The following SLC2A3 variants were observed in gnomAD, a reference collection of about 807,000 sequenced individuals.
The protein encoded by SLC2A3 is solute carrier family 2 member 3, also known as solute carrier family 2, facilitated glucose transporter member 3.
SLC2A3 carries 21 observed loss-of-function variants against 46.4 expected under a neutral mutation model. The ratio of observed to expected loss-of-function variants is 0.45; its 90% confidence interval spans 0.32 to 0.65. The LOEUF (loss-of-function observed/expected upper bound fraction) is 0.65. Among genes scored for constraint, SLC2A3 ranks in the 30% least tolerant of loss-of-function variants. The probability of loss-of-function intolerance (pLI) is 0.04; values close to 1 mark genes in which losing one functional copy is unlikely to be tolerated. For missense variants in SLC2A3, 499 were observed against 623.3 expected (o/e 0.80, Z 2.12); for synonymous variants, 213 against 239.4 (o/e 0.89, Z 1.02).
rs1946175263 is a variant in SLC2A3 at position 7,933,103 on chromosome 12, A to G, written c.153T>C (p.Asn51=). The G allele has an allele frequency of 7.4e-6, 12 of 1,614,110 alleles. No homozygotes were observed. The East Asian group carries it at 1.8e-4, about 24-fold the overall frequency. ...FINKTLTDKG[N]APPSEVLLTS... ...TGAGCAGCACCTCAGAGGGTGGGGC[A>G]TTTCCCTTGTCCGTCAAAGTTTTAT... The change falls in exon 3 of 10, where the codon AAT becomes AAC. Residue 51 remains asparagine, a synonymous_variant. Transcript: ENST00000075120.
At chr12:7,932,751 C>G in intron 3 of SLC2A3, 2 of 513,560 alleles carry the variant, frequency 3.9e-6, no homozygotes, top group South Asian at 6.6e-5. Flanking sequence ...CCTAGCTGGA[C>G]TGCAAAGGCC....
At position 7,933,303 on chromosome 12, in the gene SLC2A3, G is replaced by C. The variant is rs143811589; in HGVS notation, c.109-156C>G. The C allele has an allele frequency of 3.8e-4, 323 of 847,826 alleles. 1 individual carries two copies. The African/African-American group carries it at 4.3e-3, about 11-fold the overall frequency. The allele number at this position is 847,826 out of a possible 1,614,324, so 52.5% of individuals were successfully genotyped here. ...CGTATTGGAATTTATGTTAACTCTC[G>C]CTGGAATAGTAATTCTATTTGTCCT... On this transcript the variant is annotated intron_variant, in intron 2 of 9. Coordinates refer to ENST00000075120, the MANE Select transcript of SLC2A3 (RefSeq NM_006931.3).
At chr12:7,929,344 A>ATC (rs1946128100) in intron 6 of SLC2A3, among the ~76,000 whole-genome samples, 1 of 152,106 alleles carries the variant, frequency 6.6e-6, no homozygotes, top group Non-Finnish European at 1.5e-5. Flanking sequence ...CGCCCTCTTT[A>ATC]AACTATCATC....
chr12:7,931,261 C>G lies in SLC2A3; in HGVS notation c.494G>C (p.Gly165Ala), dbSNP rs1470834675. Residue 165 changes from glycine (G) to alanine (A), a missense_variant, in exon 4 of 10, where the codon GGA becomes GCA. By Grantham distance (60) the Gly-to-Ala change is moderately conservative. This residue lies in a region of SLC2A3 where 248 missense variants were observed against 284.0 expected (regional missense o/e 0.87). Transcript: ENST00000075120. ...GTLNQLGIVVGILVAQIFGLE... is the reference protein window; with the variant it reads ...GTLNQLGIVVAILVAQIFGLE... ...CTAGAGTACCTGGGCCACCAGAATT[C>G]CAACAACGATGCCCAGCTGGTTGAG... is the stretch of plus-strand genomic sequence containing the variant. 1.2e-6 allele frequency: 2 copies of G among 1,614,046 alleles called. No individual in the cohort carries two copies. The highest frequency in any genetic ancestry group is 8.5e-7 in the Non-Finnish European group (1 of 1,180,028).
intron 2 of SLC2A3, 84 bp from the exon 3 acceptor site, chr12:7,933,231 C>A: frequency 6.9e-7 from 1 of 1,440,042 alleles, no homozygotes. Flanking sequence ...CATTTCCTTC[C>A]TAGAGAATCA....
rs960233635 is a variant in SLC2A3 at position 7,926,001 on chromosome 12, C to T, written c.862-53G>A. ...GATGCAATTCTGCACACCAGTTACACAGAACCCTCAAAAATAAACTTAAAA... is the reference window on the plus strand; with the variant it reads ...GATGCAATTCTGCACACCAGTTACATAGAACCCTCAAAAATAAACTTAAAA... On this transcript the variant is annotated intron_variant, in intron 6 of 9. Coordinates refer to ENST00000075120, the MANE Select transcript of SLC2A3 (RefSeq NM_006931.3). 6 of 1,452,730 alleles carry T rather than the reference C, an allele frequency of 4.1e-6. No individual in the cohort carries two copies. In the Admixed American group the frequency reaches 7.1e-5, roughly 17 times the overall value. The allele number at this position is 1,452,730 out of a possible 1,614,324, so 90.0% of individuals were successfully genotyped here.
chr12:7,933,871 A>T lies in SLC2A3; in HGVS notation c.47T>A (p.Val16Asp). 1 of 1,614,082 alleles carries T rather than the reference A, an allele frequency of 6.2e-7. No homozygotes were observed. Among genetic ancestry groups the T allele is most frequent in the South Asian group, 1.1e-5 (1 of 91,086 alleles). ...AAATTGGAAAGAGCCGATTGTAGCAACTGTGATGGCAAATATCAGAGCTGG... is the reference window on the plus strand; with the variant it reads ...AAATTGGAAAGAGCCGATTGTAGCATCTGTGATGGCAAATATCAGAGCTGG... The part of the protein sequence containing the change: ...VTPALIFAIT[V>D]ATIGSFQFGY... The change falls in exon 2 of 10, where the codon GTT (valine) becomes GAT (aspartate). Residue 16 changes from valine to aspartate, a missense_variant. This residue lies in a region of SLC2A3 where 248 missense variants were observed against 284.0 expected (regional missense o/e 0.87). Transcript: ENST00000075120.
At chr12:7,923,174 A>T (rs1592353660) in intron 8 of SLC2A3, 150 bp from the exon 9 acceptor site, 3 of 812,720 alleles carry the variant, frequency 3.7e-6, no homozygotes, top group Non-Finnish European at 5.7e-6. Flanking sequence ...ATTTATTTTT[A>T]TTTTTATTTT....
chr12:7,935,887 G>A (rs1169539989), intron 1 of SLC2A3, 133 bp downstream of exon 1: 1 of 777,240 alleles, frequency 1.3e-6, no homozygotes, highest in Non-Finnish European at 2.3e-6. Context: ...GTGCAGGCTA[G>A]AGACGAAATG....
At chr12:7,929,384 G>A (rs996802831) in intron 6 of SLC2A3, 4 of 358,502 alleles carry the variant, frequency 1.1e-5, no homozygotes, top group Non-Finnish European at 2.0e-5. Flanking sequence ...TACCATGCTC[G>A]CTATACTAGT....
At chr12:7,935,909 A>T in intron 1 of SLC2A3, 111 bp downstream of exon 1, 1 of 920,848 alleles carries the variant, frequency 1.1e-6, no homozygotes, top group Non-Finnish European at 1.8e-6. Context: ...AAAGGCCTTA[A>T]GATAGCTTGG....
chr12:7,930,049 G>C, intron 5 of SLC2A3, 178 bp from the exon 6 acceptor site: 1 of 1,310,064 alleles, frequency 7.6e-7, no homozygotes, highest in Non-Finnish European at 1.0e-6. Context: ...GCAATGGCAT[G>C]ATCTCAGCTC....
intron 8 of SLC2A3, among the ~76,000 whole-genome samples, chr12:7,923,768 ATTT>A (rs59914158): frequency 5.9e-5 from 8 of 135,642 alleles, no homozygotes; most frequent in East Asian, 2.2e-4. Context: ...CCAGGATTGG[ATTT>A]TTTTTTTTTT....
chr12:7,921,932 C>T (rs1946040426), intron 9 of SLC2A3, among the ~76,000 whole-genome samples: 1 of 152,112 alleles, frequency 6.6e-6, no homozygotes, highest in Admixed American at 6.6e-5. Flanking sequence ...GTGGCTCACG[C>T]CCATAATCCC....
intron 5 of SLC2A3, 55 bp downstream of exon 5, chr12:7,930,425 C>T: frequency 6.5e-7 from 1 of 1,545,654 alleles, no homozygotes; most frequent in Non-Finnish European, 8.9e-7. Flanking sequence ...TACAATCATC[C>T]CTAAAACAAA....
Position 7,921,248 on chromosome 12 carries a change from G to T in SLC2A3, c.*165C>A. On this transcript the variant is annotated 3_prime_UTR_variant, in exon 10 of 10. Coordinates refer to ENST00000075120, the MANE Select transcript of SLC2A3 (RefSeq NM_006931.3). ...AAATAAAATTTAAAAAGCCATTGAA[G>T]ATCCAACAAACCGCAGCCTTGGGGT... 1.4e-6 allele frequency: 2 copies of T among 1,387,230 alleles called. No homozygotes were observed. Among genetic ancestry groups the T allele is most frequent in the Non-Finnish European group, 2.0e-6 (2 of 1,014,434 alleles). 85.9% of individuals were successfully genotyped at this position (1,387,230 alleles called of 1,614,324 possible).
chr12:7,921,452 G>A lies in SLC2A3; in HGVS notation c.1452C>T (p.Asn484=). Reference sequence around the variant, plus strand: ...TGGTCTCCTTAGCAGGCTCGATGCTGTTCATCTCCATGACGCCGTCCTTTC... The same window carrying A: ...TGGTCTCCTTAGCAGGCTCGATGCTATTCATCTCCATGACGCCGTCCTTTC... ...RSGKDGVMEM[N]SIEPAKETTT... The change falls in exon 10 of 10, where the codon AAC becomes AAT. Residue 484 remains asparagine, a synonymous_variant. Coordinates refer to ENST00000075120, the MANE Select transcript of SLC2A3 (RefSeq NM_006931.3). 1 of 1,613,994 alleles carries A rather than the reference G, an allele frequency of 6.2e-7. No individual in the cohort carries two copies. Among genetic ancestry groups the A allele is most frequent in the Non-Finnish European group, 8.5e-7 (1 of 1,179,902 alleles).
chr12:7,922,446 G>T lies in SLC2A3; in HGVS notation c.1272+375C>A, dbSNP rs192871325. The stretch of plus-strand genomic sequence containing the variant: ...ACTACAGGTAACTGAAACTGAAGAA[G>T]AGGAGGGACTGCTGTATTTTTTTAT... On this transcript the variant is annotated intron_variant, in intron 9 of 9. Coordinates refer to ENST00000075120, the MANE Select transcript of SLC2A3 (RefSeq NM_006931.3). Among the ~76,000 whole-genome samples, 22 of 152,226 alleles carry T rather than the reference G, an allele frequency of 1.4e-4. 1 individual carries two copies. The highest frequency in any genetic ancestry group is 5.3e-4 in the African/African-American group (22 of 41,558).
chr12:7,921,614 G>C lies in SLC2A3; in HGVS notation c.1290C>G (p.Tyr430Ter), dbSNP rs769243406. 1 of 1,613,694 alleles carries C rather than the reference G, an allele frequency of 6.2e-7. No individual in the cohort carries two copies. Among genetic ancestry groups the C allele is most frequent in the Non-Finnish European group, 8.5e-7 (1 of 1,179,792 alleles). The change falls in exon 10 of 10, where the codon TAC becomes TAG. Residue 430 changes from tyrosine (Y) to a stop codon, truncating the protein, a stop_gained. Coordinates refer to ENST00000075120, the MANE Select transcript of SLC2A3 (RefSeq NM_006931.3). LOFTEE classifies it high-confidence loss of function. ...GGAAGCCGGTGAAGATAATAAAAAC[G>C]TAGGCTCCTAAATAGTGCTAGAGAA... is the stretch of plus-strand genomic sequence containing the variant. ...FPSAAHYLGA[Y>*]VFIIFTGFLI... is the part of the protein sequence containing the mutation.
Sources: allele counts gnomAD v4.1 joint callset (sites outside exome capture counted in the v4.1 genomes callset), GRCh38; gene constraint gnomAD v4.1.1; regional missense constraint gnomAD v4.1.1; transcripts MANE v1.5; gene names NCBI Gene and HGNC (gene_info 2026-07-23, HGNC 2026-07-21).